Variants in DAW1 observed in about 807,000 individuals in gnomAD.
The protein encoded by DAW1 is dynein assembly factor with WD repeat domains 1.
In DAW1, 47 loss-of-function variants were observed where a neutral mutation model predicts 56.5. That is an observed-to-expected ratio of 0.83 (90% confidence interval 0.66 to 1.06). DAW1 has a LOEUF of 1.06. DAW1 is among the 50% of genes least tolerant of loss of function. The pLI is 0.00. For synonymous variants in DAW1, 190 were observed against 179.0 expected (o/e 1.06, Z -0.49); for missense variants, 505 against 499.3 (o/e 1.01, Z -0.11).
chr2:227,890,060 A>T, intron 3 of DAW1, 60 bp downstream of exon 3: 1 of 1,430,600 alleles, frequency 7.0e-7, no homozygotes, highest in Non-Finnish European at 9.2e-7. Flanking sequence ...ATATTTTATT[A>T]ATTTTTCTTT....
intron 10 of DAW1, among the ~76,000 whole-genome samples, chr2:227,914,124 A>ATTT (rs1412351149): frequency 3.3e-5 from 5 of 151,824 alleles, no homozygotes; most frequent in African/African-American, 1.2e-4. Context: ...TGTCTACCTC[A>ATTT]TTTGTTTGAT....
At chr2:227,920,002 G>A (rs1271444644) in intron 11 of DAW1, among the ~76,000 whole-genome samples, 1 of 152,162 alleles carries the variant, frequency 6.6e-6, no homozygotes, top group African/African-American at 2.4e-5. Context: ...CTCTTCATAA[G>A]CTGGGAGGCT....
chr2:227,917,174 G>GTCTA (rs1559314727), intron 10 of DAW1, among the ~76,000 whole-genome samples: 3 of 147,208 alleles, frequency 2.0e-5, no homozygotes, highest in Non-Finnish European at 4.5e-5. Context: ...CTGTCTGTCT[G>GTCTA]TCTGTCTATC....
At chr2:227,923,806 C>A in intron 12 of DAW1, 128 bp from the exon 13 acceptor site, 1 of 1,054,642 alleles carries the variant, frequency 9.5e-7, no homozygotes, top group Non-Finnish European at 1.4e-6. Context: ...TGCAGCTAGG[C>A]GCGGAGAACC....
chr2:227,872,093 C>G, intron 1 of DAW1: 1 of 250,354 alleles, frequency 4.0e-6, no homozygotes, highest in Non-Finnish European at 7.6e-6. Flanking sequence ...TTAACTATTA[C>G]TTAGTAACAT....
intron 10 of DAW1, among the ~76,000 whole-genome samples, chr2:227,911,098 G>A (rs1191125330): frequency 6.6e-6 from 1 of 151,222 alleles, no homozygotes; most frequent in Non-Finnish European, 1.5e-5. Flanking sequence ...TGTATATGAA[G>A]CTATACTATG....
At position 227,899,119 on chromosome 2, in the gene DAW1, A is replaced by G. The variant is rs139756473; in HGVS notation, c.540+838A>G. On this transcript the variant is annotated intron_variant, in intron 6 of 12. Transcript: ENST00000309931. Reference sequence around the variant, plus strand: ...CAATTAGTGCAATAATTGGCATTCCATAAGAACAGATGATAGCTCTTAAAA... The same window carrying G: ...CAATTAGTGCAATAATTGGCATTCCGTAAGAACAGATGATAGCTCTTAAAA... Among the ~76,000 whole-genome samples the G allele has an allele frequency of 7.0e-3, 1,060 of 152,346 alleles. 11 individuals are homozygous for G. Among genetic ancestry groups the G allele is most frequent in the Non-Finnish European group, 0.011 (761 of 68,036 alleles).
chr2:227,923,977 A>G lies in DAW1; in HGVS notation c.*9A>G, dbSNP rs746535298. 3 of 1,613,944 alleles carry G rather than the reference A, an allele frequency of 1.9e-6. No individual in the cohort carries two copies. Among genetic ancestry groups the G allele is most frequent in the African/African-American group, 1.3e-5 (1 of 74,928 alleles). ...GTAGGATATGGCGTTGACTGAAGGAAGCTGGTCAGTGAGCAACCTTGCTAG... is the reference window on the plus strand; with the variant it reads ...GTAGGATATGGCGTTGACTGAAGGAGGCTGGTCAGTGAGCAACCTTGCTAG... On this transcript the variant is annotated 3_prime_UTR_variant, in exon 13 of 13. Coordinates refer to ENST00000309931, the MANE Select transcript of DAW1 (RefSeq NM_178821.3).
intron 1 of DAW1, among the ~76,000 whole-genome samples, chr2:227,884,059 C>T (rs1251222605): frequency 7.9e-5 from 12 of 152,088 alleles, no homozygotes; most frequent in Non-Finnish European, 1.8e-4. Context: ...TTTTTATTAG[C>T]GCTGGGCTGT....
At chr2:227,883,633 T>C (rs10933225) in intron 1 of DAW1, among the ~76,000 whole-genome samples, 79,446 of 152,092 alleles carry the variant, frequency 0.52, 21,072 homozygotes, top group Admixed American at 0.62. Context: ...TTTTCAACTA[T>C]GTATCAGTGT....
chr2:227,913,928 T>TG (rs201424453), intron 10 of DAW1, among the ~76,000 whole-genome samples: 1 of 147,558 alleles, frequency 6.8e-6, no homozygotes, highest in African/African-American at 2.5e-5. Flanking sequence ...TCTATCTATC[T>TG]TCATCATCAT....
chr2:227,878,479 T>C (rs1198663933), intron 1 of DAW1, among the ~76,000 whole-genome samples: 1 of 152,208 alleles, frequency 6.6e-6, no homozygotes, highest in African/African-American at 2.4e-5. Flanking sequence ...CCCAGCACTT[T>C]GAGAGGCTGA....
Position 227,907,177 on chromosome 2 carries a change from A to T in DAW1, c.898A>T (p.Thr300Ser), listed in dbSNP as rs1404587512. 1 of 1,613,552 alleles carries T rather than the reference A, an allele frequency of 6.2e-7. No homozygotes were observed. The highest frequency in any genetic ancestry group is 8.5e-7 in the Non-Finnish European group (1 of 1,179,890). Residue 300 changes from threonine (T) to serine (S), a missense_variant, in exon 10 of 13, where the codon ACA (threonine) becomes TCA (serine). Thr to Ser is a moderately conservative substitution (Grantham distance 58). Coordinates refer to ENST00000309931, the MANE Select transcript of DAW1 (RefSeq NM_178821.3). ...AAATGGAAAATGTGTGGCAACCTTA[A>T]CAGGCCATGATGATGAAATACTAGA... ...ATNGKCVATL[T>S]GHDDEILDSC... is the part of the protein sequence containing the mutation.
intron 4 of DAW1, among the ~76,000 whole-genome samples, chr2:227,892,043 C>T (rs920508329): frequency 6.6e-6 from 1 of 152,158 alleles, no homozygotes; most frequent in Non-Finnish European, 1.5e-5. Flanking sequence ...CATGGTTTTC[C>T]CTGTGCATGT....
At chr2:227,898,420 A>G (rs1487945100) in intron 6 of DAW1, 139 bp downstream of exon 6, 3 of 290,106 alleles carry the variant, frequency 1.0e-5, no homozygotes, top group Non-Finnish European at 1.7e-5. Flanking sequence ...TCCTGGGTTC[A>G]TGCCATTCTC....
Position 227,903,083 on chromosome 2 carries a change from A to G in DAW1, c.622A>G (p.Asn208Asp). 6.2e-7 allele frequency: 1 copy of G among 1,614,206 alleles called. No homozygotes were observed. The highest frequency in any genetic ancestry group is 1.6e-4 in the Middle Eastern group (1 of 6,062). ...AACAGCCAAATTGTGGGACATTCAGAATGGCGAGGAAGTTTACACCTTAAG... is the reference window on the plus strand; with the variant it reads ...AACAGCCAAATTGTGGGACATTCAGGATGGCGAGGAAGTTTACACCTTAAG... ...DTTAKLWDIQ[N>D]GEEVYTLRGH... Residue 208 changes from asparagine (N) to aspartate (D), a missense_variant, in exon 7 of 13, where the codon AAT (asparagine) becomes GAT (aspartate). Physicochemically the swap from Asn to Asp is conservative, Grantham distance 23. Transcript: ENST00000309931.
At chr2:227,878,118 C>T (rs1381306697) in intron 1 of DAW1, among the ~76,000 whole-genome samples, 1 of 152,200 alleles carries the variant, frequency 6.6e-6, no homozygotes, top group Non-Finnish European at 1.5e-5. Context: ...GGTATTAGAT[C>T]ATACTCTGTG....
chr2:227,893,245 G>A (rs1203125646), intron 4 of DAW1, among the ~76,000 whole-genome samples: 1 of 151,622 alleles, frequency 6.6e-6, no homozygotes, highest in Non-Finnish European at 1.5e-5. Flanking sequence ...ACTCCAGCCT[G>A]GGTGACAGAG....
At chr2:227,910,741 G>T (rs541474563) in intron 10 of DAW1, among the ~76,000 whole-genome samples, 1 of 152,086 alleles carries the variant, frequency 6.6e-6, no homozygotes, top group South Asian at 2.1e-4. Context: ...ACTACACTAT[G>T]TCCATGCCAT....
Sources: allele counts gnomAD v4.1 joint callset (sites outside exome capture counted in the v4.1 genomes callset), GRCh38; gene constraint gnomAD v4.1.1; transcripts MANE v1.5; gene names NCBI Gene and HGNC (gene_info 2026-07-23, HGNC 2026-07-21).